ZNF540: variants seen among roughly 807,000 people sequenced by gnomAD.
The protein encoded by ZNF540 is CTD-3064H18.6.
A neutral mutation model predicts 11.8 loss-of-function variants in ZNF540; 3 were observed. The ratio of observed to expected loss-of-function variants is 0.25; its 90% confidence interval spans 0.12 to 0.65. The LOEUF is 0.65. Among genes scored for constraint, ZNF540 ranks in the 30% least tolerant of loss-of-function variants. The pLI is 0.83. For synonymous variants in ZNF540, 247 were observed against 259.0 expected (o/e 0.95, Z 0.45); for missense variants, 709 against 793.1 (o/e 0.89, Z 1.27).
At position 37,612,073 on chromosome 19, in the gene ZNF540, C is replaced by G. The variant is rs754293435; in HGVS notation, c.793C>G (p.His265Asp). 3.1e-6 allele frequency: 5 copies of G among 1,611,524 alleles called. No homozygotes were observed. The highest frequency in any genetic ancestry group is 4.2e-6 in the Non-Finnish European group (5 of 1,179,544). Residue 265 changes from histidine (H) to aspartate (D), a missense_variant, in exon 5 of 5, where the codon CAC becomes GAC. By Grantham distance (81) the His-to-Asp change is moderately conservative. Transcript: ENST00000316433. ...YPQLNRHQKIHTGKKPYMCKK... is the reference protein window; with the variant it reads ...YPQLNRHQKIDTGKKPYMCKK... ...ACAACTTAATCGACATCAGAAAATT[C>G]ACACTGGTAAAAAACCCTATATGTG...
In ZNF540 at chr19:37,612,825, A is replaced by C; in HGVS notation, c.1545A>C (p.Arg515Ser). Residue 515 changes from arginine (R) to serine (S), a missense_variant, in exon 5 of 5, where the codon AGA (arginine) becomes AGC (serine). Physicochemically the swap from Arg to Ser is moderately radical, Grantham distance 110. Transcript: ENST00000316433. Reference protein sequence around the residue: ...RFGFYLTEHQRIHTGEKPYKC... With the variant: ...RFGFYLTEHQSIHTGEKPYKC... ...GTTTCTACCTTACTGAACACCAGAGAATTCACACTGGTGAAAAGCCCTATA... is the reference window on the plus strand; with the variant it reads ...GTTTCTACCTTACTGAACACCAGAGCATTCACACTGGTGAAAAGCCCTATA... 2 of 1,614,088 alleles carry C rather than the reference A, an allele frequency of 1.2e-6. No individual in the cohort carries two copies. The highest frequency in any genetic ancestry group is 1.7e-6 in the Non-Finnish European group (2 of 1,179,992).
rs1011747810 is a variant in ZNF540, at chr19:37,569,250, GC to G, written c.-73+17589del. Among the ~76,000 whole-genome samples, 8 of 152,052 alleles carry G rather than the reference GC, an allele frequency of 5.3e-5. No individual in the cohort carries two copies. The highest frequency in any genetic ancestry group is 4.6e-4 in the Admixed American group (7 of 15,256). On this transcript the variant is annotated intron_variant, in intron 1 of 4. Coordinates refer to the ZNF540 transcript ENST00000592533. The surrounding 1 kb of genome is among the most constrained non-coding windows in gnomAD (Gnocchi z 4.4). ...TTACAGGCATGAGTCACTGCGCCTG[GC>G]CCCAAAGCATCCGGAACCACAACAA...
intron 1 of ZNF540, among the ~76,000 whole-genome samples, chr19:37,576,318 AAC>A (rs1318114026): frequency 1.3e-5 from 2 of 152,188 alleles, no homozygotes; most frequent in African/African-American, 4.8e-5. Context: ...TAACTCTATA[AAC>A]AAATAGGTTT....
intron 3 of ZNF540, among the ~76,000 whole-genome samples, chr19:37,600,466 C>T (rs1191198914): frequency 6.6e-6 from 1 of 152,044 alleles, no homozygotes. Flanking sequence ...TTTTAGGAAG[C>T]TTCTTGTTTT....
At chr19:37,576,986 G>A (rs2043263611) in intron 1 of ZNF540, among the ~76,000 whole-genome samples, 1 of 151,858 alleles carries the variant, frequency 6.6e-6, no homozygotes, top group African/African-American at 2.4e-5. Context: ...GCCATCTTCT[G>A]CAAAACCTTA....
rs545344846 is a variant in ZNF540 at position 37,605,740 on chromosome 19, A to G, written c.232+4635A>G. Reference sequence around the variant, plus strand: ...CTCCACATTGTTGCCAACCTGTTGTATTGTCAGTCATTTTAATCTTAGTCA... The same window carrying G: ...CTCCACATTGTTGCCAACCTGTTGTGTTGTCAGTCATTTTAATCTTAGTCA... On this transcript the variant is annotated intron_variant, in intron 4 of 4. Coordinates refer to ENST00000316433, the MANE Select transcript of ZNF540 (RefSeq NM_001172225.3). 2.0e-5 allele frequency among the ~76,000 whole-genome samples: 3 copies of G among 152,224 alleles called. No homozygotes were observed. In the South Asian group the frequency reaches 6.2e-4, roughly 32 times the overall value.
At chr19:37,599,994 G>C (rs1265627578) in intron 3 of ZNF540, among the ~76,000 whole-genome samples, 1 of 152,086 alleles carries the variant, frequency 6.6e-6, no homozygotes, top group Non-Finnish European at 1.5e-5. Context: ...TTCCTTAATA[G>C]TTAAGAGACT....
chr19:37,563,309 C>G (rs2042739296), intron 1 of ZNF540: 1 of 150,110 alleles, frequency 6.7e-6, no homozygotes, highest in African/African-American at 2.5e-5. Context: ...CCAGCCTGAA[C>G]AAGGAGAGCA....
chr19:37,589,631 T>G (rs1366225427), intron 1 of ZNF540, among the ~76,000 whole-genome samples: 1 of 151,968 alleles, frequency 6.6e-6, no homozygotes, highest in African/African-American at 2.4e-5. Context: ...GATACACCTA[T>G]CAGATCTGGA....
At chr19:37,588,265 T>C (rs1200669601) in intron 1 of ZNF540, among the ~76,000 whole-genome samples, 2 of 151,984 alleles carry the variant, frequency 1.3e-5, no homozygotes, top group African/African-American at 2.4e-5. Context: ...ATACATTCAA[T>C]TTAAATTCAA....
chr19:37,568,768 G>A (rs1353000728), intron 1 of ZNF540, among the ~76,000 whole-genome samples: 1 of 152,032 alleles, frequency 6.6e-6, no homozygotes, highest in Non-Finnish European at 1.5e-5. Flanking sequence ...AAACTATATG[G>A]TGAAAAAAGG....
At chr19:37,577,661 G>C (rs1240263627) in intron 1 of ZNF540, among the ~76,000 whole-genome samples, 1 of 152,172 alleles carries the variant, frequency 6.6e-6, no homozygotes, top group East Asian at 1.9e-4. Context: ...AGATCCATGA[G>C]TAGAAGTGAA....
Position 37,612,682 on chromosome 19 carries a change from G to C in ZNF540, c.1402G>C (p.Glu468Gln), listed in dbSNP as rs771152501. The C allele has an allele frequency of 1.9e-6, 3 of 1,614,078 alleles. No homozygotes were observed. The highest frequency in any genetic ancestry group is 2.5e-6 in the Non-Finnish European group (3 of 1,179,986). Residue 468 changes from glutamate to glutamine, a missense_variant, in exon 5 of 5, where the codon GAA becomes CAA. Physicochemically the swap from Glu to Gln is conservative, Grantham distance 29. Transcript: ENST00000316433. ...ACTTCATACTGGTGTGAAGCCCTAC[G>C]AATGTAAGGAATGTGGGAAGACCTT... is the stretch of plus-strand genomic sequence containing the variant. ...QRLHTGVKPY[E>Q]CKECGKTFRV...
At chr19:37,592,133 C>G (rs2147216115), upstream of ZNF540, among the ~76,000 whole-genome samples, 1 of 152,102 alleles carries the variant, frequency 6.6e-6, no homozygotes. Context: ...TGGCACATGC[C>G]TGTAATCCCA....
At chr19:37,566,556 T>A (rs1289984370) in intron 1 of ZNF540, 1 of 315,266 alleles carries the variant, frequency 3.2e-6, no homozygotes, top group African/African-American at 2.2e-5. Context: ...AGGAGGCTTA[T>A]AAAATAGTAA....
At chr19:37,598,531 CT>C in intron 2 of ZNF540, 75 bp downstream of exon 2, 1 of 1,526,284 alleles carries the variant, frequency 6.6e-7, no homozygotes, top group South Asian at 1.1e-5. Context: ...ACTCTTTATG[CT>C]GACACTTCCT....
intron 1 of ZNF540, among the ~76,000 whole-genome samples, chr19:37,558,613 TAGAG>T (rs2042686047): frequency 6.6e-6 from 1 of 152,252 alleles, no homozygotes; most frequent in South Asian, 2.1e-4. Context: ...TTAGGCCGGG[TAGAG>T]AGAAAGACCT....
rs2044035969 is a variant in ZNF540, at chr19:37,601,080, G to A, written c.207G>A (p.Arg69=). The change falls in exon 4 of 5, where the codon AGG becomes AGA. Residue 69 remains arginine, a synonymous_variant. Transcript: ENST00000316433. ...EQGKEPCVVA[R]DVTGRQCPGL... is the part of the protein sequence containing the mutation. The stretch of plus-strand genomic sequence containing the variant: ...GGAAAGAGCCCTGCGTGGTGGCGAG[G>A]GATGTGACAGGAAGACAGTGCCCCG... The A allele has an allele frequency of 6.3e-7, 1 of 1,584,096 alleles. No individual in the cohort carries two copies. Among genetic ancestry groups the A allele is most frequent in the African/African-American group, 1.3e-5 (1 of 74,360 alleles).
In ZNF540 at chr19:37,569,151, C is replaced by G. The variant is rs1045712311; in HGVS notation, c.-73+17486C>G. Among the ~76,000 whole-genome samples, 1 of 152,016 alleles carries G rather than the reference C, an allele frequency of 6.6e-6. No individual in the cohort carries two copies. The highest frequency in any genetic ancestry group is 1.5e-5 in the Non-Finnish European group (1 of 68,014). ...TATTTTTAGTAGAGATAGGCCTTCA[C>G]CATATTGGTCAGGCTGGTCTCAAAT... On this transcript the variant is annotated intron_variant, in intron 1 of 4. Transcript: ENST00000592533. The surrounding 1 kb of genome is among the most constrained non-coding windows in gnomAD (Gnocchi z 4.4).
Sources: gnomAD v4.1 joint callset for allele counts (sites outside exome capture counted in the v4.1 genomes callset) on GRCh38, gnomAD v4.1.1 for gene constraint, Gnocchi (gnomAD v3.1) non-coding constraint, MANE v1.5 for transcripts, NCBI Gene and HGNC (gene_info 2026-07-23, HGNC 2026-07-21) for gene names.